The following SCNN1B variants were observed in gnomAD, a reference collection of about 807,000 sequenced individuals.
The protein encoded by SCNN1B is epithelial sodium channel subunit beta.
SCNN1B carries 46 observed loss-of-function variants against 65.3 expected under a neutral mutation model. The ratio of observed to expected loss-of-function variants is 0.70; its 90% CI spans 0.56 to 0.90. The LOEUF is 0.90. SCNN1B is among the 40% of genes least tolerant of loss of function. The pLI is 0.00. For synonymous variants in SCNN1B, 349 were observed against 330.6 expected, an observed-to-expected ratio of 1.06 and a Z score of -0.60; for missense variants, 751 against 830.5, an observed-to-expected ratio of 0.90 and a Z score of 1.18.
intron 4 of SCNN1B, among the ~76,000 whole-genome samples, chr16:23,363,322 G>A (rs376474038): frequency 5.5e-4 from 83 of 152,276 alleles, no homozygotes; most frequent in African/African-American, 1.9e-3. Context: ...GGGAAAGTGA[G>A]GCACGAAGAC....
chr16:23,346,888 C>A (rs148725392), intron 1 of SCNN1B, among the ~76,000 whole-genome samples: 1 of 152,062 alleles, frequency 6.6e-6, no homozygotes, highest in African/African-American at 2.4e-5. Context: ...CCAGCCTCCA[C>A]GACAGCTTTA....
Position 23,304,056 on chromosome 16 carries a change from G to C in SCNN1B, c.-9+1619G>C, listed in dbSNP as rs146286464. ...TTAAACTGCTGCATGGATTCCCGCCGTGGATAATGCCTACCGATGGGAATT... is the reference window on the plus strand; with the variant it reads ...TTAAACTGCTGCATGGATTCCCGCCCTGGATAATGCCTACCGATGGGAATT... On this transcript the variant is annotated intron_variant, in intron 1 of 12. Coordinates refer to ENST00000343070, the MANE Select transcript of SCNN1B (RefSeq NM_000336.3). 11 of 1,535,554 alleles carry C rather than the reference G, an allele frequency of 7.2e-6. No homozygotes were observed. The Admixed American group carries it at 7.8e-5, about 11-fold the overall frequency.
intron 2 of SCNN1B, among the ~76,000 whole-genome samples, chr16:23,291,014 TA>T (rs1012886087): frequency 8.6e-5 from 13 of 151,742 alleles, no homozygotes; most frequent in East Asian, 1.9e-4. Flanking sequence ...CCACACACCT[TA>T]AAAAAAATTC....
intron 4 of SCNN1B, among the ~76,000 whole-genome samples, chr16:23,363,486 G>A (rs1195238165): frequency 1.3e-5 from 2 of 152,176 alleles, no homozygotes; most frequent in Admixed American, 6.5e-5. Context: ...TATGTTCTAA[G>A]CAGGAGACAG....
At chr16:23,365,569 A>AAG (rs1962641419) in intron 4 of SCNN1B, among the ~76,000 whole-genome samples, 1 of 85,126 alleles carries the variant, frequency 1.2e-5, no homozygotes, top group Non-Finnish European at 2.0e-5. Flanking sequence ...GAAAGAAAGA[A>AAG]AGAAAGAAAG....
chr16:23,366,607 G>A (rs1962675234), intron 4 of SCNN1B, among the ~76,000 whole-genome samples: 1 of 152,022 alleles, frequency 6.6e-6, no homozygotes, highest in Admixed American at 6.6e-5. Context: ...GGTGGCGGGT[G>A]CCTGTAATCC....
chr16:23,356,062 T>A (rs932830588), intron 4 of SCNN1B, among the ~76,000 whole-genome samples: 1 of 152,198 alleles, frequency 6.6e-6, no homozygotes, highest in African/African-American at 2.4e-5. Flanking sequence ...TGGTCCTCCC[T>A]TGAAGGAGGG....
intron 4 of SCNN1B, among the ~76,000 whole-genome samples, chr16:23,365,054 G>T (rs1596876262): frequency 6.6e-6 from 1 of 151,550 alleles, no homozygotes; most frequent in South Asian, 2.1e-4. Flanking sequence ...TGAACACAGA[G>T]GGCAGAGGTT....
chr16:23,346,073 T>C (rs1194559858), intron 1 of SCNN1B, among the ~76,000 whole-genome samples: 1 of 152,072 alleles, frequency 6.6e-6, no homozygotes, highest in Admixed American at 6.6e-5. Context: ...CTCTCATGCA[T>C]ATGGGAAACA....
At chr16:23,287,177 A>G (rs997942713) in intron 2 of SCNN1B, among the ~76,000 whole-genome samples, 3 of 151,328 alleles carry the variant, frequency 2.0e-5, no homozygotes, top group African/African-American at 7.3e-5. Flanking sequence ...GCTAATTTTT[A>G]TATTTTTAGT....
chr16:23,278,448 T>C (rs1007466346), intron 1 of SCNN1B: 1 of 152,056 alleles, frequency 6.6e-6, no homozygotes, highest in Non-Finnish European at 1.5e-5. Flanking sequence ...AGTCTCACAC[T>C]GTCACCCAGG....
rs1385710000 is a variant in SCNN1B, at chr16:23,322,151, G to A, written c.-9+19714G>A. 2.0e-5 allele frequency among the ~76,000 whole-genome samples: 3 copies of A among 152,098 alleles called. No individual in the cohort carries two copies. The South Asian group carries it at 6.2e-4, about 31-fold the overall frequency. On this transcript the variant is annotated intron_variant, in intron 1 of 12. Transcript: ENST00000343070. The stretch of plus-strand genomic sequence containing the variant: ...TTGTTTGTTTGTTTGTTTTATGCCT[G>A]AAAAGAACCTATTTGGCTGCAACTG...
chr16:23,378,717 C>T lies in SCNN1B; in HGVS notation c.1416C>T (p.Phe472=), dbSNP rs2142047714. The T allele has an allele frequency of 1.2e-6, 2 of 1,614,118 alleles. No homozygotes were observed. Among genetic ancestry groups the T allele is most frequent in the Non-Finnish European group, 1.7e-6 (2 of 1,180,016 alleles). The change falls in exon 11 of 13, where the codon TTC becomes TTT. Residue 472 remains phenylalanine, a synonymous_variant. Transcript: ENST00000343070. ...TTCTTGGGTTCCAGGACTGGATTTT[C>T]CACGTCTTGTCTCAGGAGCGGGACC... ...WPSEASEDWI[F]HVLSQERDQS...
At chr16:23,359,997 G>A (rs1962505091) in intron 4 of SCNN1B, among the ~76,000 whole-genome samples, 1 of 152,048 alleles carries the variant, frequency 6.6e-6, no homozygotes. Context: ...GAGGTCAGGA[G>A]TTTGAGACCA....
chr16:23,371,213 G>T, intron 5 of SCNN1B, 86 bp from the exon 6 acceptor site: 2 of 1,501,582 alleles, frequency 1.3e-6, no homozygotes, highest in Non-Finnish European at 9.1e-7. Context: ...TCCCCTGGCC[G>T]GAGGGAGCTT....
At chr16:23,300,093 A>G (rs532200303), upstream of SCNN1B, among the ~76,000 whole-genome samples, 222 of 152,348 alleles carry the variant, frequency 1.5e-3, 1 homozygote, top group African/African-American at 5.1e-3. Context: ...ACACAGGAAC[A>G]GAAAACCAAA....
At chr16:23,320,136 T>G (rs967174400) in intron 1 of SCNN1B, among the ~76,000 whole-genome samples, 12 of 152,158 alleles carry the variant, frequency 7.9e-5, no homozygotes, top group African/African-American at 2.9e-4. Context: ...ACCCAGCTTT[T>G]GCGTCTCTAA....
At chr16:23,311,683 G>A (rs12103340) in intron 1 of SCNN1B, among the ~76,000 whole-genome samples, 2 of 152,284 alleles carry the variant, frequency 1.3e-5, no homozygotes, top group South Asian at 2.1e-4. Flanking sequence ...GTTAGGGAGC[G>A]AGACCATGAA....
chr16:23,353,420 C>T (rs1962353514), intron 3 of SCNN1B, among the ~76,000 whole-genome samples: 2 of 152,214 alleles, frequency 1.3e-5, no homozygotes, highest in Admixed American at 1.3e-4. Context: ...ACTTTTCTCT[C>T]AGGCGACTTC....
Sources: gnomAD v4.1 joint callset for allele counts (sites outside exome capture counted in the v4.1 genomes callset) on GRCh38, gnomAD v4.1.1 for gene constraint, MANE v1.5 for transcripts, NCBI Gene and HGNC (gene_info 2026-07-23, HGNC 2026-07-21) for gene names.